ILRUN: variants seen among roughly 807,000 people sequenced by gnomAD.
ILRUN encodes protein ILRUN.
ILRUN carries 3 observed loss-of-function variants against 33.8 expected under a neutral mutation model. That is an observed-to-expected ratio of 0.09 (90% CI 0.04 to 0.23). The LOEUF (loss-of-function observed/expected upper bound fraction) is 0.23, where lower values mean the gene tolerates loss of function less well. ILRUN is among the 10% of genes least tolerant of loss of function. ILRUN has a pLI of 1.00. For synonymous variants in ILRUN, 124 were observed against 138.9 expected, an observed-to-expected ratio of 0.89 and a Z score of 0.75; for missense variants, 210 against 375.1, an observed-to-expected ratio of 0.56 and a Z score of 3.64.
chr6:34,658,254 G>A (rs573086310), intron 1 of ILRUN, among the ~76,000 whole-genome samples: 2 of 151,338 alleles, frequency 1.3e-5, no homozygotes, highest in South Asian at 2.1e-4. Context: ...TGAGATAGGC[G>A]AATTGCTTGA....
intron 1 of ILRUN, among the ~76,000 whole-genome samples, chr6:34,657,358 C>G (rs1384021761): frequency 6.6e-6 from 1 of 152,164 alleles, no homozygotes; most frequent in African/African-American, 2.4e-5. Flanking sequence ...CAGGATAGGA[C>G]TTTAAGACCA....
At chr6:34,644,349 G>C (rs141441438) in intron 3 of ILRUN, among the ~76,000 whole-genome samples, 1 of 152,222 alleles carries the variant, frequency 6.6e-6, no homozygotes, top group African/African-American at 2.4e-5. Flanking sequence ...ACATTTTTGA[G>C]TTATAAAGAT....
chr6:34,677,604 C>T (rs1763262713), intron 1 of ILRUN, among the ~76,000 whole-genome samples: 1 of 152,040 alleles, frequency 6.6e-6, no homozygotes, highest in Non-Finnish European at 1.5e-5. Flanking sequence ...TTACAAGCAG[C>T]TTTACTGTTT....
Position 34,696,558 on chromosome 6 carries a change from A to T in ILRUN, c.46T>A (p.Phe16Ile). The change falls in exon 1 of 5, where the codon TTC becomes ATC. Residue 16 changes from phenylalanine (F) to isoleucine (I), a missense_variant. This residue lies in a region of ILRUN where 61 missense variants were observed against 94.4 expected (regional missense o/e 0.65). Coordinates refer to ENST00000374023, the MANE Select transcript of ILRUN (RefSeq NM_024294.4). ...TTGTCGGTGGTGCCCAGGCAGCTGA[A>T]CTTCTGCATCAGCTCCGGGTCCAGG... ...VDLDPELMQK[F>I]SCLGTTDKDV... 1 of 1,612,786 alleles carries T rather than the reference A, an allele frequency of 6.2e-7. No individual in the cohort carries two copies. The highest frequency in any genetic ancestry group is 8.5e-7 in the Non-Finnish European group (1 of 1,179,690).
At chr6:34,606,485 T>C in intron 4 of ILRUN, 70 bp downstream of exon 4, 1 of 1,267,060 alleles carries the variant, frequency 7.9e-7, no homozygotes. Flanking sequence ...GGATTCTAGG[T>C]TTGCCATGAA....
intron 4 of ILRUN, among the ~76,000 whole-genome samples, chr6:34,594,668 C>T (rs1308448004): frequency 6.6e-6 from 1 of 152,170 alleles, no homozygotes; most frequent in African/African-American, 2.4e-5. Context: ...TTCAACCTGG[C>T]TAGAGAGCAG....
intron 1 of ILRUN, among the ~76,000 whole-genome samples, chr6:34,689,644 T>A (rs1763606026): frequency 1.3e-5 from 2 of 151,946 alleles, no homozygotes; most frequent in African/African-American, 4.8e-5. Context: ...GAGAAACTCA[T>A]TTAGCACGGG....
intron 3 of ILRUN, among the ~76,000 whole-genome samples, chr6:34,629,173 T>A (rs554596757): frequency 6.6e-6 from 1 of 152,332 alleles, no homozygotes; most frequent in East Asian, 1.9e-4. Context: ...AGAAAACTCA[T>A]TTGGACCTGG....
chr6:34,644,792 T>A (rs1186267384), intron 3 of ILRUN, among the ~76,000 whole-genome samples: 1 of 151,924 alleles, frequency 6.6e-6, no homozygotes, highest in Non-Finnish European at 1.5e-5. Context: ...GAAGGAAAGG[T>A]GACTCAGGCA....
rs1354520892 is a variant in ILRUN, at chr6:34,646,443, A to AT, written c.511+157dup. ...AAAAGAAAGAGCACTAGACTAATCA[A>AT]TTAGTCATAAAATGCAAATCATTTA... On this transcript the variant is annotated intron_variant, in intron 3 of 4. Transcript: ENST00000374023. This position sits in a 1 kb window ranked among gnomAD's most constrained non-coding sequence, Gnocchi z 4.9. Among the ~76,000 whole-genome samples the AT allele has an allele frequency of 1.3e-5, 2 of 152,214 alleles. No individual in the cohort carries two copies. Among genetic ancestry groups the AT allele is most frequent in the African/African-American group, 4.8e-5 (2 of 41,448 alleles).
chr6:34,646,614 T>A lies in ILRUN; in HGVS notation c.498A>T (p.Gly166=). ...QGQWRMCTAT[G]LYYGDVIWVI... is the part of the protein sequence containing the mutation. The stretch of plus-strand genomic sequence containing the variant: ...GGACATACTCACCTCCATAGTAGAG[T>A]CCTGTAGCAGTGCACATCCGCCACT... The change falls in exon 3 of 5, where the codon GGA becomes GGT. Residue 166 remains glycine (G), a synonymous_variant. Transcript: ENST00000374023. This position sits in a 1 kb window ranked among gnomAD's most constrained non-coding sequence, Gnocchi z 4.9. The A allele has an allele frequency of 6.2e-7, 1 of 1,613,972 alleles. No homozygotes were observed. The highest frequency in any genetic ancestry group is 8.5e-7 in the Non-Finnish European group (1 of 1,179,982).
At chr6:34,614,421 C>CA in intron 3 of ILRUN, among the ~76,000 whole-genome samples, 1 of 98,836 alleles carries the variant, frequency 1.0e-5, no homozygotes, top group Non-Finnish European at 1.8e-5. Flanking sequence ...GACTCCATCT[C>CA]AAAAAATAAT....
chr6:34,606,021 C>T (rs1761621919), intron 4 of ILRUN, among the ~76,000 whole-genome samples: 1 of 152,166 alleles, frequency 6.6e-6, no homozygotes, highest in South Asian at 2.1e-4. Context: ...AGAAATCAAA[C>T]ACCTAGAAAA....
At chr6:34,655,422 A>G (rs543088058) in intron 1 of ILRUN, among the ~76,000 whole-genome samples, 1 of 152,376 alleles carries the variant, frequency 6.6e-6, no homozygotes, top group Admixed American at 6.5e-5. Flanking sequence ...TACACATTCA[A>G]GCAAACATAA....
chr6:34,606,322 G>C (rs1030802120), intron 4 of ILRUN, among the ~76,000 whole-genome samples: 1 of 152,170 alleles, frequency 6.6e-6, no homozygotes, highest in African/African-American at 2.4e-5. Flanking sequence ...ATAGCAGAGA[G>C]ACAGGAGTAA....
At chr6:34,655,511 T>C (rs547674140) in intron 1 of ILRUN, among the ~76,000 whole-genome samples, 1 of 152,304 alleles carries the variant, frequency 6.6e-6, no homozygotes, top group South Asian at 2.1e-4. Context: ...CTCTTAATAC[T>C]GTATCTTGAA....
chr6:34,627,745 C>T lies in ILRUN; in HGVS notation c.511+18856G>A, dbSNP rs1165322821. On this transcript the variant is annotated intron_variant, in intron 3 of 4. Coordinates refer to ENST00000374023, the MANE Select transcript of ILRUN (RefSeq NM_024294.4). ...TGAGACAGAGTTTCGCTCTTGTAGCCCAGGCTGGAGTGCAATGGCGTGATC... is the reference window on the plus strand; with the variant it reads ...TGAGACAGAGTTTCGCTCTTGTAGCTCAGGCTGGAGTGCAATGGCGTGATC... Among the ~76,000 whole-genome samples the T allele has an allele frequency of 6.0e-5, 9 of 149,244 alleles. No homozygotes were observed. In the East Asian group the frequency reaches 1.4e-3, roughly 23 times the overall value.
intron 1 of ILRUN, among the ~76,000 whole-genome samples, chr6:34,673,818 C>A (rs528569370): frequency 2.0e-4 from 29 of 143,620 alleles, no homozygotes; most frequent in South Asian, 1.5e-3. Flanking sequence ...GTCTCAAAAA[C>A]AGTAACAACC....
chr6:34,625,326 A>C (rs1762098202), intron 3 of ILRUN, among the ~76,000 whole-genome samples: 1 of 152,192 alleles, frequency 6.6e-6, no homozygotes, highest in Non-Finnish European at 1.5e-5. Context: ...ATGTGAGCAC[A>C]GAGCTCTGGG....
Sources: allele counts gnomAD v4.1 joint callset (sites outside exome capture counted in the v4.1 genomes callset), GRCh38; gene constraint gnomAD v4.1.1; regional missense constraint gnomAD v4.1.1; non-coding constraint Gnocchi (gnomAD v3.1); transcripts MANE v1.5; gene names NCBI Gene and HGNC (gene_info 2026-07-23, HGNC 2026-07-21).